The following KRT6A variants were observed in gnomAD, a reference collection of about 807,000 sequenced individuals.
KRT6A encodes the protein keratin, type II cytoskeletal 6A.
Under a neutral mutation model 48.6 loss-of-function variants are expected in KRT6A, and 28 were observed. That is an observed-to-expected ratio of 0.58 (90% CI 0.43 to 0.79). KRT6A has a LOEUF of 0.79. Among genes scored for constraint, KRT6A ranks in the 30% least tolerant of loss-of-function variants. The pLI is 0.00. For missense variants in KRT6A, 687 were observed against 724.3 expected (o/e 0.95, Z 0.59); for synonymous variants, 301 against 294.2 (o/e 1.02, Z -0.24).
rs1453192308 is a variant in KRT6A, at chr12:52,488,687, T to TC, written c.1204-140_1204-139insG. ...GCTCTGACTCTTCCTATCTATTGTT[T>TC]TTTTTTTTATTTTGCAGTTTTTGTC... is the stretch of plus-strand genomic sequence containing the variant. On this transcript the variant is annotated intron_variant, in intron 6 of 8. Transcript: ENST00000330722. 36 of 1,096,074 alleles carry TC rather than the reference T, an allele frequency of 3.3e-5. No homozygotes were observed. In the East Asian group the frequency reaches 9.7e-4, roughly 30 times the overall value. 67.9% of individuals were successfully genotyped at this position (1,096,074 alleles called of 1,614,324 possible).
Position 52,491,709 on chromosome 12 carries a change from C to T in KRT6A, c.568G>A (p.Val190Ile), listed in dbSNP as rs371455502. 1.1e-5 allele frequency: 18 copies of T among 1,614,066 alleles called. No individual in the cohort carries two copies. Among genetic ancestry groups the T allele is most frequent in the Non-Finnish European group, 1.4e-5 (17 of 1,180,044 alleles). Reference sequence around the variant, plus strand: ...AGCAGGGTCCACTTTGTTTCCAGAACCTTGTTCTGCTGCTCCAGGAACCGC... The same window carrying T: ...AGCAGGGTCCACTTTGTTTCCAGAATCTTGTTCTGCTGCTCCAGGAACCGC... ...KVRFLEQQNK[V>I]LETKWTLLQE... Residue 190 changes from valine to isoleucine, a missense_variant, in exon 2 of 9, where the codon GTT becomes ATT. Around this residue, in one of 3 missense-constraint regions of KRT6A, gnomAD observed 566 missense variants for 565.3 expected, o/e 1.00. Transcript: ENST00000330722.
intron 6 of KRT6A, among the ~76,000 whole-genome samples, chr12:52,489,674 G>C (rs1938220943): frequency 6.6e-6 from 1 of 152,118 alleles, no homozygotes; most frequent in Non-Finnish European, 1.5e-5. Context: ...TTCCACTGTG[G>C]TCCAGGGAAG....
chr12:52,491,265 T>A (rs1312934413), intron 2 of KRT6A, 93 bp from the exon 3 acceptor site: 1 of 1,606,622 alleles, frequency 6.2e-7, no homozygotes, highest in Non-Finnish European at 8.5e-7. Context: ...GAATGGAATA[T>A]ATTCTAATTG....
chr12:52,487,302 G>T lies in KRT6A; in HGVS notation c.*418C>A. Reference sequence around the variant, plus strand: ...GCTTTCATGGATACTGCCTGGGTGGGGGTTCACAACACTTATAAGTTAGAG... The same window carrying T: ...GCTTTCATGGATACTGCCTGGGTGGTGGTTCACAACACTTATAAGTTAGAG... On this transcript the variant is annotated 3_prime_UTR_variant, in exon 9 of 9. Transcript: ENST00000330722. 3.7e-6 allele frequency: 1 copy of T among 269,872 alleles called. No homozygotes were observed. The highest frequency in any genetic ancestry group is 9.0e-5 in the East Asian group (1 of 11,120). 16.7% of individuals were successfully genotyped at this position (269,872 alleles called of 1,614,324 possible).
At chr12:52,489,747 T>C in intron 6 of KRT6A, 196 bp downstream of exon 6, 1 of 933,646 alleles carries the variant, frequency 1.1e-6, no homozygotes, top group Non-Finnish European at 1.6e-6. Flanking sequence ...CGTGACTGGT[T>C]CTCTCATGTG....
chr12:52,490,764 C>T, intron 4 of KRT6A, 31 bp from the exon 5 acceptor site: 1 of 1,614,128 alleles, frequency 6.2e-7, no homozygotes, highest in Non-Finnish European at 8.5e-7. Flanking sequence ...AGATCAACTT[C>T]ACTTCCGATA....
At chr12:52,488,996 C>T (rs3858630) in intron 6 of KRT6A, among the ~76,000 whole-genome samples, 46,989 of 152,010 alleles carry the variant, frequency 0.31, 7,962 homozygotes, top group African/African-American at 0.45. Context: ...CTCAGAATCT[C>T]TCATCTACTG....
intron 7 of KRT6A, 86 bp downstream of exon 7, chr12:52,488,242 T>C: frequency 6.2e-7 from 1 of 1,613,138 alleles, no homozygotes; most frequent in South Asian, 1.1e-5. Context: ...ATTATGGCCA[T>C]GGGCAGTGCA....
intron 5 of KRT6A, 107 bp from the exon 6 acceptor site, chr12:52,490,175 T>C (rs1938234466): frequency 6.2e-7 from 1 of 1,606,946 alleles, no homozygotes; most frequent in Non-Finnish European, 8.5e-7. Flanking sequence ...TAAAGGCTTC[T>C]CCTCAAGAAA....
rs781559230 is a variant in KRT6A at position 52,488,372 on chromosome 12, C to T, written c.1380G>A (p.Val460=). The change falls in exon 7 of 9, where the codon GTG becomes GTA. Residue 460 remains valine, a synonymous_variant. Transcript: ENST00000330722. ...ELMNVKLALD[V]EIATYRKLLE... is the part of the protein sequence containing the mutation. ...GCAGCTTGCGGTAGGTGGCGATCTC[C>T]ACGTCCAGGGCCAGCTTGACATTCA... The T allele has an allele frequency of 1.2e-6, 2 of 1,614,072 alleles. No individual in the cohort carries two copies. Among genetic ancestry groups the T allele is most frequent in the African/African-American group, 2.7e-5 (2 of 74,934 alleles).
At chr12:52,491,454 C>T (rs1938260124) in intron 2 of KRT6A, 68 bp downstream of exon 2, 3 of 1,583,086 alleles carry the variant, frequency 1.9e-6, no homozygotes, top group Middle Eastern at 1.7e-4. Flanking sequence ...CCCTTCTGGC[C>T]CTGGTCACCC....
chr12:52,493,204 G>A lies in KRT6A; in HGVS notation c.-16C>T, dbSNP rs529208990. 3.1e-6 allele frequency: 5 copies of A among 1,614,080 alleles called. No homozygotes were observed. The highest frequency in any genetic ancestry group is 4.2e-6 in the Non-Finnish European group (5 of 1,179,936). On this transcript the variant is annotated 5_prime_UTR_variant, in exon 1 of 9. Transcript: ENST00000330722. ...TGCTGGCCATGGTTCCAGGAGATGA[G>A]AGAGCTGAGGAGAGTGTGAGAGGCT...
At chr12:52,490,775 T>G in intron 4 of KRT6A, 42 bp from the exon 5 acceptor site, 1 of 1,614,062 alleles carries the variant, frequency 6.2e-7, no homozygotes, top group Non-Finnish European at 8.5e-7. Context: ...ACTTCCGATA[T>G]TTACAGAGAT....
Position 52,490,422 on chromosome 12 carries a change from G to C in KRT6A, c.1077+147C>G, listed in dbSNP as rs1028362261. ...CCTTCTTGACTTGGGCATAAGTTCT[G>C]CAAATGTCTACTCTAATAGTGCAGA... On this transcript the variant is annotated intron_variant, in intron 5 of 8. Coordinates refer to ENST00000330722, the MANE Select transcript of KRT6A (RefSeq NM_005554.4). 101 of 1,394,894 alleles carry C rather than the reference G, an allele frequency of 7.2e-5. No homozygotes were observed. In the African/African-American group the frequency reaches 9.8e-4, roughly 14 times the overall value. 86.4% of individuals were successfully genotyped at this position (1,394,894 alleles called of 1,614,324 possible). A position where few individuals can be genotyped will look rare whatever the true frequency, so the allele number is the denominator to read the frequency against.
chr12:52,492,309 AC>A (rs1270963518), intron 1 of KRT6A, among the ~76,000 whole-genome samples: 1 of 151,902 alleles, frequency 6.6e-6, no homozygotes, highest in African/African-American at 2.4e-5. Flanking sequence ...TCTTATCCAG[AC>A]CCCAGAGTGT....
At chr12:52,491,974 T>C (rs886915107) in intron 1 of KRT6A, among the ~76,000 whole-genome samples, 1 of 152,206 alleles carries the variant, frequency 6.6e-6, no homozygotes, top group Non-Finnish European at 1.5e-5. Flanking sequence ...TTATTGGACA[T>C]ATTAATGAGT....
At chr12:52,490,229 C>G in intron 5 of KRT6A, 161 bp from the exon 6 acceptor site, 2 of 1,390,330 alleles carry the variant, frequency 1.4e-6, no homozygotes, top group Non-Finnish European at 2.0e-6. Context: ...ATACTAAACA[C>G]TGGAGTCACA....
Position 52,487,530 on chromosome 12 carries a change from T to C in KRT6A, c.*190A>G. 1.5e-6 allele frequency: 1 copy of C among 656,396 alleles called. No individual in the cohort carries two copies. Among genetic ancestry groups the C allele is most frequent in the Non-Finnish European group, 2.7e-6 (1 of 376,784 alleles). The allele number at this position is 656,396 out of a possible 1,614,324, so 40.7% of individuals were successfully genotyped here. On this transcript the variant is annotated 3_prime_UTR_variant, in exon 9 of 9. Coordinates refer to ENST00000330722, the MANE Select transcript of KRT6A (RefSeq NM_005554.4). ...GATGTAAAATCAGAGGTTGATCTGATGGTGAGCAATGGGTGCTCAGATGGT... is the reference window on the plus strand; with the variant it reads ...GATGTAAAATCAGAGGTTGATCTGACGGTGAGCAATGGGTGCTCAGATGGT...
In KRT6A at chr12:52,490,839, G is replaced by A. The variant is rs372399609; in HGVS notation, c.912+19C>T. 4,986 of 1,614,066 alleles carry A rather than the reference G, an allele frequency of 3.1e-3. 13 individuals are homozygous for A. Among genetic ancestry groups the A allele is most frequent in the Non-Finnish European group, 3.6e-3 (4,292 of 1,179,926 alleles). On this transcript the variant is annotated intron_variant, in intron 4 of 8. Transcript: ENST00000330722. ...GCAGACCCCATCAGAGTAAACAGAA[G>A]GATGGTGGAGATGCTTACTGCATCA...
Sources: gnomAD v4.1 joint callset for allele counts (sites outside exome capture counted in the v4.1 genomes callset) on GRCh38, gnomAD v4.1.1 for gene constraint, gnomAD v4.1.1 regional missense constraint, MANE v1.5 for transcripts, NCBI Gene and HGNC (gene_info 2026-07-23, HGNC 2026-07-21) for gene names.